The following RTL4 variants were observed in gnomAD, a reference collection of about 807,000 sequenced individuals.
The protein encoded by RTL4 is retrotransposon Gag like 4.
RTL4 carries 4 observed loss-of-function variants against 5.3 expected under a neutral mutation model. That is an observed-to-expected ratio of 0.75 (90% CI 0.37 to 1.72). The LOEUF is 1.72. Among genes scored for constraint, RTL4 ranks in the 40% most tolerant of loss-of-function variants. RTL4 has a pLI of 0.04. For missense variants in RTL4, 260 were observed against 227.1 expected, an observed-to-expected ratio of 1.14 and a Z score of -0.93; for synonymous variants, 98 against 87.3, an observed-to-expected ratio of 1.12 and a Z score of -0.68.
the RTL4 span, among the ~76,000 whole-genome samples, chrX:112,311,093 G>A: frequency 2.8e-5 from 3 of 107,940 alleles, no homozygotes; most frequent in Non-Finnish European, 5.7e-5. Flanking sequence ...GCTCCTTGGA[G>A]TTGTGTCTTC....
the RTL4 span, among the ~76,000 whole-genome samples, chrX:112,203,100 T>A: frequency 1.8e-5 from 2 of 111,156 alleles, no homozygotes; most frequent in African/African-American, 6.5e-5. Flanking sequence ...CTTGCCCATG[T>A]TCTACTTGGA....
chrX:112,259,338 T>A, the RTL4 span, among the ~76,000 whole-genome samples: 1 of 111,352 alleles, frequency 9.0e-6, no homozygotes, highest in East Asian at 2.8e-4. Flanking sequence ...CTTATATATT[T>A]TTGTTTAGTT....
chrX:112,254,127 C>A, the RTL4 span, among the ~76,000 whole-genome samples: 1 of 111,258 alleles, frequency 9.0e-6, no homozygotes, highest in Non-Finnish European at 1.9e-5. Context: ...TCTGATACTC[C>A]CAATATTAGA....
At chrX:112,374,131 T>C in the RTL4 span, among the ~76,000 whole-genome samples, 1 of 111,531 alleles carries the variant, frequency 9.0e-6, no homozygotes, top group East Asian at 2.8e-4. Context: ...CATATTATCT[T>C]TTAGAAGCTT....
chrX:112,352,930 T>C, the RTL4 span, among the ~76,000 whole-genome samples: 1 of 111,222 alleles, frequency 9.0e-6, no homozygotes. Flanking sequence ...GCAATCTACT[T>C]ATCTGCCAAA....
At chrX:112,172,208 C>A in the RTL4 span, among the ~76,000 whole-genome samples, 1 of 110,516 alleles carries the variant, frequency 9.0e-6, no homozygotes, top group African/African-American at 3.3e-5. Flanking sequence ...ACCTGTAATC[C>A]CAGCTACTAG....
At chrX:112,084,994 C>A in the RTL4 span, among the ~76,000 whole-genome samples, 1 of 112,504 alleles carries the variant, frequency 8.9e-6, no homozygotes, top group African/African-American at 3.2e-5. Context: ...GTTAAAAGCA[C>A]CATACAAATG....
At chrX:112,271,663 A>C in the RTL4 span, among the ~76,000 whole-genome samples, 1 of 112,398 alleles carries the variant, frequency 8.9e-6, no homozygotes, top group African/African-American at 3.2e-5. Context: ...ATTGAGGTAT[A>C]ATAAACCAGT....
chrX:112,292,475 A>G, the RTL4 span, among the ~76,000 whole-genome samples: 1 of 111,818 alleles, frequency 8.9e-6, no homozygotes, highest in South Asian at 3.7e-4. Context: ...TTGAATATCC[A>G]TGTGCCTCCA....
At chrX:112,430,656 C>T in the RTL4 span, among the ~76,000 whole-genome samples, 1 of 111,599 alleles carries the variant, frequency 9.0e-6, no homozygotes, top group Non-Finnish European at 1.9e-5. Flanking sequence ...GGCACAATCT[C>T]GGCTCACTGC....
At chrX:112,326,064 C>T in the RTL4 span, among the ~76,000 whole-genome samples, 3 of 111,897 alleles carry the variant, frequency 2.7e-5, no homozygotes, top group African/African-American at 9.8e-5. Flanking sequence ...CATCACTGGC[C>T]GTCAGAGAAA....
chrX:112,381,441 A>G, the RTL4 span: 1 of 1,209,978 alleles, frequency 8.3e-7, no homozygotes, highest in Non-Finnish European at 1.1e-6. Context: ...CAGCGGGAAC[A>G]GCTACTGGAG....
the RTL4 span, among the ~76,000 whole-genome samples, chrX:112,443,569 C>G: frequency 8.9e-6 from 1 of 111,861 alleles, no homozygotes; most frequent in South Asian, 3.7e-4. Context: ...CACAAGGTTC[C>G]CTTTCCTCCA....
the RTL4 span, among the ~76,000 whole-genome samples, chrX:112,147,448 G>C: frequency 9.0e-6 from 1 of 111,370 alleles, no homozygotes; most frequent in Non-Finnish European, 1.9e-5. Context: ...GTCAGTGTTA[G>C]GAAATTCTGT....
At chrX:112,179,882 T>C in the RTL4 span, among the ~76,000 whole-genome samples, 2 of 112,086 alleles carry the variant, frequency 1.8e-5, no homozygotes, top group Admixed American at 1.9e-4. Context: ...CAAGAGATGC[T>C]GAAGACAAAT....
the RTL4 span, among the ~76,000 whole-genome samples, chrX:112,446,097 C>T: frequency 8.9e-6 from 1 of 111,824 alleles, no homozygotes; most frequent in African/African-American, 3.3e-5. Context: ...TTTTACACTC[C>T]CCAGAATCTG....
the RTL4 span, among the ~76,000 whole-genome samples, chrX:112,345,818 G>C: frequency 1.3e-4 from 15 of 111,470 alleles, no homozygotes; most frequent in Admixed American, 3.8e-4. Flanking sequence ...TTGACCCCTA[G>C]TTCTGGTCTG....
chrX:112,328,711 T>C, the RTL4 span, among the ~76,000 whole-genome samples: 3 of 111,967 alleles, frequency 2.7e-5, no homozygotes, highest in Admixed American at 9.5e-5. Context: ...ATACATTTTT[T>C]TCAGCACCAC....
the RTL4 span, among the ~76,000 whole-genome samples, chrX:112,216,304 C>T: frequency 4.4e-4 from 49 of 111,882 alleles, no homozygotes; most frequent in African/African-American, 1.3e-3. Context: ...ATTCCACCAA[C>T]GTAAACACTA....
Sources: gnomAD v4.1 joint callset for allele counts (sites outside exome capture counted in the v4.1 genomes callset) on GRCh38, gnomAD v4.1.1 for gene constraint, MANE v1.5 for transcripts, NCBI Gene and HGNC (gene_info 2026-07-23, HGNC 2026-07-21) for gene names.